Variants in TEX9 observed in about 807,000 individuals in gnomAD.
The protein encoded by TEX9 is testis-expressed protein 9.
A neutral mutation model predicts 59.6 loss-of-function variants in TEX9; 74 were observed. That is an observed-to-expected ratio of 1.24 (90% CI 1.03 to 1.51). TEX9 has a LOEUF of 1.51. Ranked by LOEUF, TEX9 falls within the 40% of genes most tolerant of loss-of-function variation. TEX9 has a pLI of 0.00. For missense variants in TEX9, 522 were observed against 447.8 expected, an observed-to-expected ratio of 1.17 and a Z score of -1.49; for synonymous variants, 186 against 152.2, an observed-to-expected ratio of 1.22 and a Z score of -1.64.
chr15:56,371,394 G>C (rs2047183953), intron 2 of TEX9, among the ~76,000 whole-genome samples: 1 of 151,626 alleles, frequency 6.6e-6, no homozygotes, highest in Non-Finnish European at 1.5e-5. Context: ...TTTATATTTG[G>C]ATCTTTTTCA....
chr15:56,355,076 G>A (rs763496409), intron 1 of TEX9, among the ~76,000 whole-genome samples: 66 of 152,176 alleles, frequency 4.3e-4, no homozygotes, highest in Non-Finnish European at 8.4e-4. Context: ...TATAGAACAT[G>A]ACCAGAAGTT....
At chr15:56,407,648 ATGCAT>A (rs2049143038) in intron 9 of TEX9, among the ~76,000 whole-genome samples, 1 of 152,154 alleles carries the variant, frequency 6.6e-6, no homozygotes, top group African/African-American at 2.4e-5. Context: ...CTCAGGTATA[ATGCAT>A]TTGCTACCCT....
chr15:56,330,039 AC>A (rs150544548), intron 1 of TEX9, among the ~76,000 whole-genome samples: 16 of 139,066 alleles, frequency 1.2e-4, no homozygotes, highest in African/African-American at 2.0e-4. Flanking sequence ...AAGAAAAAAA[AC>A]AAACAAACAT....
At chr15:56,389,718 G>A (rs1358581670) in intron 6 of TEX9, among the ~76,000 whole-genome samples, 1 of 151,428 alleles carries the variant, frequency 6.6e-6, no homozygotes, top group South Asian at 2.1e-4. Context: ...TCTCTGCCTA[G>A]TTCTCCCAAA....
chr15:56,417,681 A>G (rs73413997), intron 10 of TEX9, among the ~76,000 whole-genome samples: 9,984 of 151,812 alleles, frequency 0.066, 1,298 homozygotes, highest in African/African-American at 0.23. Context: ...TTGGGTGCAG[A>G]GTTCTGTAAA....
intron 10 of TEX9, among the ~76,000 whole-genome samples, chr15:56,414,133 T>C (rs1386425983): frequency 6.6e-6 from 1 of 151,856 alleles, no homozygotes; most frequent in African/African-American, 2.4e-5. Flanking sequence ...GATTTCCTAA[T>C]TGTTGTAGAT....
intron 12 of TEX9, chr15:56,429,092 T>G: frequency 6.4e-7 from 1 of 1,557,612 alleles, no homozygotes; most frequent in Non-Finnish European, 8.7e-7. Context: ...TTACCCAATT[T>G]TGATGATATC....
At chr15:56,428,538 A>G in intron 12 of TEX9, 1 of 823,902 alleles carries the variant, frequency 1.2e-6, no homozygotes. Context: ...TTCATAAGTA[A>G]TATATTTGAT....
intron 1 of TEX9, among the ~76,000 whole-genome samples, chr15:56,312,611 T>C (rs1222018191): frequency 2.0e-5 from 3 of 147,798 alleles, no homozygotes; most frequent in African/African-American, 7.6e-5. Flanking sequence ...TGGCTTAGGA[T>C]TGACTTGGTG....
intron 12 of TEX9, chr15:56,429,241 C>T (rs778062576): frequency 8.2e-7 from 1 of 1,223,048 alleles, no homozygotes; most frequent in East Asian, 2.4e-5. Context: ...CAGAATATTT[C>T]ACTAAATGCT....
At position 56,291,866 on chromosome 15, in the gene TEX9, C is replaced by CTA. The variant is rs373168096; in HGVS notation, c.-107+47591_-107+47592dup. ...GATATGAGATCCCACATAACATGTC[C>CTA]TATAACAAAGGACCCACTTCGTGGC... On this transcript the variant is annotated intron_variant, in intron 1 of 5. Coordinates refer to the TEX9 transcript ENST00000560827. Among the ~76,000 whole-genome samples, 138 of 152,294 alleles carry CTA rather than the reference C, an allele frequency of 9.1e-4. 1 individual carries two copies. Among genetic ancestry groups the CTA allele is most frequent in the African/African-American group, 3.1e-3 (130 of 41,560 alleles).
chr15:56,402,246 T>A (rs1000481500), intron 9 of TEX9, among the ~76,000 whole-genome samples: 1 of 151,982 alleles, frequency 6.6e-6, no homozygotes, highest in Non-Finnish European at 1.5e-5. Flanking sequence ...CTAGCAAGAC[T>A]AATAAAGAAG....
the TEX9 span, chr15:56,456,303 A>C: frequency 2.4e-6 from 3 of 1,225,440 alleles, no homozygotes; most frequent in Middle Eastern, 2.6e-4. Context: ...GAAATGACAT[A>C]AACAAAGAAA....
intron 3 of TEX9, among the ~76,000 whole-genome samples, 151 bp from the exon 4 acceptor site, chr15:56,383,798 ATCT>A (rs2047840134): frequency 6.6e-6 from 1 of 152,206 alleles, no homozygotes; most frequent in South Asian, 2.1e-4. Context: ...TATAGACCTT[ATCT>A]TCATACTATA....
chr15:56,330,446 C>T (rs2046116471), intron 1 of TEX9, among the ~76,000 whole-genome samples: 1 of 151,858 alleles, frequency 6.6e-6, no homozygotes, highest in African/African-American at 2.4e-5. Flanking sequence ...AGTGATGAAC[C>T]AATCAAAAAT....
At chr15:56,400,574 C>G (rs1027392858) in intron 9 of TEX9, among the ~76,000 whole-genome samples, 1 of 152,106 alleles carries the variant, frequency 6.6e-6, no homozygotes, top group Non-Finnish European at 1.5e-5. Context: ...GGATATTTCC[C>G]AGGAGAACTT....
At chr15:56,255,363 A>G (rs1376700980) in intron 1 of TEX9, among the ~76,000 whole-genome samples, 11 of 152,126 alleles carry the variant, frequency 7.2e-5, no homozygotes, top group Non-Finnish European at 1.3e-4. Context: ...TAACTTTTAT[A>G]TAGCTGTGTG....
At chr15:56,306,428 T>C (rs577140673) in intron 1 of TEX9, among the ~76,000 whole-genome samples, 2 of 152,214 alleles carry the variant, frequency 1.3e-5, no homozygotes, top group Admixed American at 1.3e-4. Context: ...TATTCAGCCA[T>C]AAAAATGAAC....
chr15:56,385,612 A>G (rs1250823321), intron 4 of TEX9, among the ~76,000 whole-genome samples: 1 of 151,890 alleles, frequency 6.6e-6, no homozygotes, highest in African/African-American at 2.4e-5. Context: ...CTTGGAAAGA[A>G]TTGTAGGTGA....
Sources: allele counts gnomAD v4.1 joint callset (sites outside exome capture counted in the v4.1 genomes callset), GRCh38; gene constraint gnomAD v4.1.1; transcripts MANE v1.5; gene names NCBI Gene and HGNC (gene_info 2026-07-23, HGNC 2026-07-21).